The following CDH8 variants were observed in gnomAD, a reference collection of about 807,000 sequenced individuals.
CDH8 encodes the protein cadherin-8.
CDH8 carries 17 observed loss-of-function variants against 68.1 expected under a neutral mutation model. The observed-to-expected ratio is 0.25, with a 90% confidence interval of 0.17 to 0.37. CDH8 has a LOEUF of 0.37. Among genes scored for constraint, CDH8 ranks in the 10% least tolerant of loss-of-function variants. The probability of loss-of-function intolerance (pLI) is 1.00; values close to 1 mark genes in which losing one functional copy is unlikely to be tolerated. For missense variants in CDH8, 763 were observed against 999.3 expected, an observed-to-expected ratio of 0.76 and a Z score of 3.19; for synonymous variants, 372 against 365.1, an observed-to-expected ratio of 1.02 and a Z score of -0.21.
chr16:61,816,421 A>G (rs540625040), intron 7 of CDH8, among the ~76,000 whole-genome samples: 3 of 152,316 alleles, frequency 2.0e-5, no homozygotes, highest in African/African-American at 7.2e-5. Context: ...GGTTTCCCCA[A>G]ATGAAGTAAT....
chr16:61,995,956 C>T (rs542922437), intron 2 of CDH8, among the ~76,000 whole-genome samples: 23 of 152,310 alleles, frequency 1.5e-4, no homozygotes, highest in African/African-American at 5.5e-4. Context: ...TCAGATGGCT[C>T]ATACTGATCC....
chr16:61,654,377 C>T (rs1391615341), intron 11 of CDH8, among the ~76,000 whole-genome samples: 1 of 152,046 alleles, frequency 6.6e-6, no homozygotes, highest in Admixed American at 6.6e-5. Flanking sequence ...ACATTTTATG[C>T]TTTTATGATC....
chr16:61,987,133 A>G (rs747043739), intron 2 of CDH8, among the ~76,000 whole-genome samples: 5 of 152,210 alleles, frequency 3.3e-5, no homozygotes, highest in Non-Finnish European at 7.3e-5. Context: ...AGTTTACAGG[A>G]GAATGTATAA....
chr16:61,868,287 C>A (rs2143025846), intron 3 of CDH8, among the ~76,000 whole-genome samples: 1 of 152,198 alleles, frequency 6.6e-6, no homozygotes, highest in Non-Finnish European at 1.5e-5. Context: ...CCTAGCACTT[C>A]AGAAAATGCT....
At chr16:61,773,294 T>C (rs145081653) in intron 8 of CDH8, among the ~76,000 whole-genome samples, 1 of 152,140 alleles carries the variant, frequency 6.6e-6, no homozygotes, top group African/African-American at 2.4e-5. Flanking sequence ...ACTACATACA[T>C]GATTTTTTTG....
intron 2 of CDH8, among the ~76,000 whole-genome samples, chr16:61,944,915 G>A (rs1964777756): frequency 1.3e-5 from 2 of 151,896 alleles, no homozygotes; most frequent in African/African-American, 4.8e-5. Flanking sequence ...ATAGATATAG[G>A]TATAGATATA....
intron 2 of CDH8, among the ~76,000 whole-genome samples, chr16:61,926,935 TA>T (rs1460496871): frequency 6.6e-6 from 1 of 152,202 alleles, no homozygotes; most frequent in Non-Finnish European, 1.5e-5. Flanking sequence ...ATTTCAAGGA[TA>T]AAGAGTAAAA....
At chr16:61,848,766 A>G (rs1352937047) in intron 4 of CDH8, among the ~76,000 whole-genome samples, 3 of 152,138 alleles carry the variant, frequency 2.0e-5, no homozygotes, top group Non-Finnish European at 4.4e-5. Flanking sequence ...AATCATTATC[A>G]TCATTTATTT....
In CDH8 at chr16:61,954,936, C is replaced by A. The variant is rs140947597; in HGVS notation, c.253-53463G>T. 1.8e-4 allele frequency among the ~76,000 whole-genome samples: 28 copies of A among 152,196 alleles called. No homozygotes were observed. In the East Asian group the frequency reaches 4.1e-3, roughly 22 times the overall value. The stretch of plus-strand genomic sequence containing the variant: ...GTAGCAATAATATGAAAAACTAAGA[C>A]ATAATGAACCACCATTATTTCATTG... On this transcript the variant is annotated intron_variant, in intron 2 of 11. Coordinates refer to ENST00000577390, the MANE Select transcript of CDH8 (RefSeq NM_001796.5).
At chr16:61,974,503 T>C (rs2150578904) in intron 2 of CDH8, among the ~76,000 whole-genome samples, 1 of 152,314 alleles carries the variant, frequency 6.6e-6, no homozygotes, top group South Asian at 2.1e-4. Context: ...CTGAATGTTT[T>C]GAAACACTTG....
chr16:61,966,564 A>C (rs1322614727), intron 2 of CDH8, among the ~76,000 whole-genome samples: 1 of 152,076 alleles, frequency 6.6e-6, no homozygotes, highest in East Asian at 1.9e-4. Context: ...AGAAGAAAAG[A>C]ATGAAAAGAA....
chr16:62,019,972 G>A (rs1205571419), intron 2 of CDH8, among the ~76,000 whole-genome samples: 4 of 152,128 alleles, frequency 2.6e-5, no homozygotes, highest in African/African-American at 9.7e-5. Context: ...TAGAGCATCT[G>A]GCACATAGGA....
At chr16:62,014,009 A>G (rs1901879350) in intron 2 of CDH8, among the ~76,000 whole-genome samples, 1 of 152,168 alleles carries the variant, frequency 6.6e-6, no homozygotes, top group African/African-American at 2.4e-5. Flanking sequence ...CTACAAACAT[A>G]AGCATTGATT....
intron 8 of CDH8, among the ~76,000 whole-genome samples, chr16:61,738,647 A>G (rs1336628586): frequency 6.6e-6 from 1 of 152,180 alleles, no homozygotes; most frequent in Admixed American, 6.5e-5. Context: ...ATAAAAATCA[A>G]TAGTGTGAAT....
intron 4 of CDH8, among the ~76,000 whole-genome samples, chr16:61,838,992 CATA>C (rs1402362253): frequency 6.6e-6 from 1 of 152,020 alleles, no homozygotes; most frequent in Admixed American, 6.6e-5. Context: ...GAAAGTACAG[CATA>C]ATAAGTGACT....
chr16:62,001,672 TTTA>T (rs932125713), intron 2 of CDH8, among the ~76,000 whole-genome samples: 1 of 151,700 alleles, frequency 6.6e-6, no homozygotes, highest in Admixed American at 6.6e-5. Context: ...AAACCGGTTT[TTTA>T]TTATTATTAT....
chr16:61,782,789 C>T (rs1008148959), intron 8 of CDH8, among the ~76,000 whole-genome samples: 1 of 152,132 alleles, frequency 6.6e-6, no homozygotes, highest in African/African-American at 2.4e-5. Flanking sequence ...CCCCTGACCC[C>T]TGAGCAGCCT....
At chr16:61,705,532 T>C (rs934348345) in intron 10 of CDH8, among the ~76,000 whole-genome samples, 4 of 152,142 alleles carry the variant, frequency 2.6e-5, no homozygotes, top group East Asian at 1.9e-4. Context: ...TATAAAGACA[T>C]TGAATAGTAT....
intron 3 of CDH8, among the ~76,000 whole-genome samples, chr16:61,878,066 A>G (rs577901980): frequency 2.0e-5 from 3 of 152,302 alleles, no homozygotes; most frequent in East Asian, 1.9e-4. Context: ...CTAGACAAAT[A>G]TTAGAAGAGT....
Sources: gnomAD v4.1 joint callset for allele counts (sites outside exome capture counted in the v4.1 genomes callset) on GRCh38, gnomAD v4.1.1 for gene constraint, MANE v1.5 for transcripts, NCBI Gene and HGNC (gene_info 2026-07-23, HGNC 2026-07-21) for gene names.